DLGAP1: variants seen among roughly 807,000 people sequenced by gnomAD.
DLGAP1 encodes disks large-associated protein 1.
Under a neutral mutation model 90.8 loss-of-function variants are expected in DLGAP1, and 11 were observed. That is an observed-to-expected ratio of 0.12 (90% CI 0.08 to 0.20). DLGAP1 has a LOEUF of 0.20. Ranked by LOEUF, DLGAP1 falls within the 10% of genes least tolerant of loss-of-function variation. The pLI is 1.00. For missense variants in DLGAP1, 1,050 were observed against 1,333.8 expected (o/e 0.79, Z 3.31); for synonymous variants, 558 against 540.7 (o/e 1.03, Z -0.44).
At chr18:3,888,246 A>G (rs758859226) in intron 3 of DLGAP1, among the ~76,000 whole-genome samples, 1 of 151,988 alleles carries the variant, frequency 6.6e-6, no homozygotes, top group African/African-American at 2.4e-5. Context: ...TGATAACTCA[A>G]TGTCATGTTC....
intron 5 of DLGAP1, among the ~76,000 whole-genome samples, chr18:3,751,234 A>T (rs1239498749): frequency 6.6e-6 from 1 of 152,200 alleles, no homozygotes; most frequent in African/African-American, 2.4e-5. Flanking sequence ...ATAAATGAAG[A>T]GGGTAACTCA....
At position 4,317,735 on chromosome 18, in the gene DLGAP1, A is replaced by G. The variant is rs185776088; in HGVS notation, c.-267+137271T>C. ...GGGAAGAAAGGCATAGAGCTGAAGC[A>G]TAATTGGAACTTGATCCCCAGGATG... On this transcript the variant is annotated intron_variant, in intron 1 of 12. Coordinates refer to ENST00000315677, the MANE Select transcript of DLGAP1 (RefSeq NM_004746.4). Among the ~76,000 whole-genome samples, 6 of 152,382 alleles carry G rather than the reference A, an allele frequency of 3.9e-5. No individual in the cohort carries two copies. The East Asian group carries it at 1.2e-3, about 29-fold the overall frequency.
chr18:3,554,290 C>T (rs1318342553), intron 9 of DLGAP1, among the ~76,000 whole-genome samples: 5 of 152,180 alleles, frequency 3.3e-5, no homozygotes, highest in African/African-American at 1.2e-4. Context: ...GCCTGCTTTA[C>T]TTAGGATCAG....
chr18:4,147,487 A>T (rs1436528007), intron 2 of DLGAP1, among the ~76,000 whole-genome samples: 1 of 152,166 alleles, frequency 6.6e-6, no homozygotes, highest in Non-Finnish European at 1.5e-5. Context: ...CTTTCTCTAT[A>T]GCACAAGCCA....
At chr18:3,682,070 A>T (rs1054478087) in intron 7 of DLGAP1, among the ~76,000 whole-genome samples, 1 of 150,258 alleles carries the variant, frequency 6.7e-6, no homozygotes, top group African/African-American at 2.4e-5. Flanking sequence ...GTGAGCTGAT[A>T]TTGCACCACT....
At chr18:4,201,279 C>T (rs1161992303) in intron 1 of DLGAP1, among the ~76,000 whole-genome samples, 1 of 151,820 alleles carries the variant, frequency 6.6e-6, no homozygotes, top group African/African-American at 2.4e-5. Context: ...GTCTTTAATC[C>T]ATCTTCAGTT....
At position 3,966,688 on chromosome 18, in the gene DLGAP1, G is replaced by A. The variant is rs186110354; in HGVS notation, c.-73+38428C>T. Among the ~76,000 whole-genome samples, 7 of 152,298 alleles carry A rather than the reference G, an allele frequency of 4.6e-5. No individual in the cohort carries two copies. The East Asian group carries it at 1.2e-3, about 25-fold the overall frequency. ...TGATATCTACTGAGGCAGGAAAGAC[G>A]GGACAGAAGTAGGCTTGAGGTAAGT... On this transcript the variant is annotated intron_variant, in intron 3 of 12. Transcript: ENST00000315677.
chr18:3,701,576 T>G (rs1167632029), intron 7 of DLGAP1, among the ~76,000 whole-genome samples: 2 of 152,194 alleles, frequency 1.3e-5, no homozygotes, highest in Non-Finnish European at 2.9e-5. Flanking sequence ...TAGAAGTTGT[T>G]GGAGAATCTG....
intron 4 of DLGAP1, among the ~76,000 whole-genome samples, chr18:3,815,203 C>G (rs543301472): frequency 9.2e-5 from 14 of 152,302 alleles, no homozygotes; most frequent in African/African-American, 2.9e-4. Flanking sequence ...TTCGACTTTA[C>G]CATCTCATAT....
In DLGAP1 at chr18:3,952,050, A is replaced by G. The variant is rs191859013; in HGVS notation, c.-73+53066T>C. Among the ~76,000 whole-genome samples the G allele has an allele frequency of 1.6e-3, 242 of 152,308 alleles. 2 individuals are homozygous for G. The highest frequency in any genetic ancestry group is 5.3e-3 in the African/African-American group (221 of 41,574). ...TTTTATGGAAAACACAGGATGGTAGAAAAACGTAGAGAAATTTCTATAATA... is the reference window on the plus strand; with the variant it reads ...TTTTATGGAAAACACAGGATGGTAGGAAAACGTAGAGAAATTTCTATAATA... On this transcript the variant is annotated intron_variant, in intron 3 of 12. Transcript: ENST00000315677.
At chr18:4,061,459 A>G (rs1440225998) in intron 2 of DLGAP1, among the ~76,000 whole-genome samples, 1 of 152,182 alleles carries the variant, frequency 6.6e-6, no homozygotes, top group East Asian at 1.9e-4. Context: ...TGAACATTGG[A>G]ATAAAAGTAC....
At chr18:3,934,847 G>C (rs1471623726) in intron 3 of DLGAP1, among the ~76,000 whole-genome samples, 1 of 152,226 alleles carries the variant, frequency 6.6e-6, no homozygotes. Flanking sequence ...AGTCTGGCTG[G>C]AGTGAGAGGG....
intron 7 of DLGAP1, among the ~76,000 whole-genome samples, chr18:3,673,539 G>T (rs2060174782): frequency 6.6e-6 from 1 of 152,166 alleles, no homozygotes; most frequent in East Asian, 1.9e-4. Flanking sequence ...CTGTGAATGA[G>T]AGGAGGATGA....
chr18:4,423,350 C>T (rs1039193811), intron 1 of DLGAP1, among the ~76,000 whole-genome samples: 8 of 152,202 alleles, frequency 5.3e-5, no homozygotes, highest in Middle Eastern at 6.8e-3. Context: ...AGAAATGGCA[C>T]ACAATTAATT....
At chr18:3,513,805 C>A (rs1198644301) in intron 10 of DLGAP1, among the ~76,000 whole-genome samples, 1 of 152,156 alleles carries the variant, frequency 6.6e-6, no homozygotes, top group African/African-American at 2.4e-5. Context: ...TTCAAAGACC[C>A]AGCCATTTAG....
chr18:4,126,815 G>C (rs2076239734), intron 2 of DLGAP1, among the ~76,000 whole-genome samples: 2 of 152,228 alleles, frequency 1.3e-5, no homozygotes, highest in East Asian at 3.9e-4. Flanking sequence ...AGATATCAAA[G>C]ACACTTTTCA....
rs1482625915 is a variant in DLGAP1, at chr18:3,542,299, A to C, written c.2058-7684T>G. The stretch of plus-strand genomic sequence containing the variant: ...CCTTTAGGTATACACACCTCTGAAC[A>C]CACAAAGCTTGCTCTAGACATTCAC... On this transcript the variant is annotated intron_variant, in intron 9 of 12. Coordinates refer to ENST00000315677, the MANE Select transcript of DLGAP1 (RefSeq NM_004746.4). Among the ~76,000 whole-genome samples the C allele has an allele frequency of 1.3e-5, 2 of 152,214 alleles. 1 individual carries two copies. Among genetic ancestry groups the C allele is most frequent in the Non-Finnish European group, 2.9e-5 (2 of 68,032 alleles).
chr18:4,401,013 A>C (rs1171926037), intron 1 of DLGAP1, among the ~76,000 whole-genome samples: 1 of 152,234 alleles, frequency 6.6e-6, no homozygotes, highest in Non-Finnish European at 1.5e-5. Flanking sequence ...GTAGTTTAAA[A>C]TATGTCAAAA....
chr18:3,967,054 G>C (rs1313723114), intron 3 of DLGAP1, among the ~76,000 whole-genome samples: 2 of 152,166 alleles, frequency 1.3e-5, no homozygotes, highest in Non-Finnish European at 2.9e-5. Flanking sequence ...CCAGAACCTG[G>C]AGAAGAGAGT....
Sources: gnomAD v4.1 joint callset for allele counts (sites outside exome capture counted in the v4.1 genomes callset) on GRCh38, gnomAD v4.1.1 for gene constraint, MANE v1.5 for transcripts, NCBI Gene and HGNC (gene_info 2026-07-23, HGNC 2026-07-21) for gene names.